KDM3A: variants seen among roughly 807,000 people sequenced by gnomAD.
The protein encoded by KDM3A is lysine demethylase 3A, also known as lysine-specific demethylase 3A.
Under a neutral mutation model 158.0 loss-of-function variants are expected in KDM3A, and 60 were observed. That is an observed-to-expected ratio of 0.38 (90% CI 0.31 to 0.47). The LOEUF is 0.47. KDM3A is among the 20% of genes least tolerant of loss of function. The pLI, the probability that KDM3A is intolerant of heterozygous loss-of-function variation, is 0.99. For synonymous variants in KDM3A, 608 were observed against 549.3 expected, an observed-to-expected ratio of 1.11 and a Z score of -1.49; for missense variants, 1,319 against 1,574.3, an observed-to-expected ratio of 0.84 and a Z score of 2.74.
At chr2:86,453,661 A>G (rs1014421084) in intron 4 of KDM3A, among the ~76,000 whole-genome samples, 2 of 152,180 alleles carry the variant, frequency 1.3e-5, no homozygotes, top group African/African-American at 4.8e-5. Context: ...AATTTTTTGA[A>G]ATTGCATAAA....
At chr2:86,471,313 ATG>A (rs980824135) in intron 11 of KDM3A, among the ~76,000 whole-genome samples, 88 of 151,326 alleles carry the variant, frequency 5.8e-4, no homozygotes, top group African/African-American at 2.1e-3. Context: ...ATGTGTATAT[ATG>A]TGTATATGTG....
In KDM3A at chr2:86,484,934, C is replaced by T. The variant is rs1255669070; in HGVS notation, c.3095-8C>T. ...AAATAGTAATAGTTCATTCTGTTTACCTTTCAGATCGTTTGAAAAATGAAA... is the reference window on the plus strand; with the variant it reads ...AAATAGTAATAGTTCATTCTGTTTATCTTTCAGATCGTTTGAAAAATGAAA... On this transcript the variant is annotated splice_region_variant and splice_polypyrimidine_tract_variant and intron_variant, in intron 19 of 25. Transcript: ENST00000312912. The T allele has an allele frequency of 1.0e-5, 16 of 1,553,252 alleles. No individual in the cohort carries two copies. The highest frequency in any genetic ancestry group is 1.4e-5 in the Non-Finnish European group (16 of 1,125,636).
intron 3 of KDM3A, among the ~76,000 whole-genome samples, chr2:86,450,557 G>C (rs1672413940): frequency 6.6e-6 from 1 of 152,198 alleles, no homozygotes; most frequent in African/African-American, 2.4e-5. Flanking sequence ...AGTGAGCGCT[G>C]TCTGGAGAGG....
At position 86,490,952 on chromosome 2, in the gene KDM3A, C is replaced by T. The variant is rs754345302; in HGVS notation, c.3645C>T (p.Asp1215=). Residue 1215 remains aspartate, a synonymous_variant, in exon 24 of 26, where the codon GAC becomes GAT. Transcript: ENST00000312912. ...DPIHDQSWYL[D]RSLRKRLHQE... Reference sequence around the variant, plus strand: ...TTCATGATCAAAGCTGGTATTTAGACCGATCATTAAGAAAACGTCTTCATC... The same window carrying T: ...TTCATGATCAAAGCTGGTATTTAGATCGATCATTAAGAAAACGTCTTCATC... 1.1e-5 allele frequency: 17 copies of T among 1,613,768 alleles called. No homozygotes were observed. The highest frequency in any genetic ancestry group is 1.3e-5 in the African/African-American group (1 of 74,904).
chr2:86,472,399 A>C (rs765210536), intron 11 of KDM3A, among the ~76,000 whole-genome samples: 3 of 152,080 alleles, frequency 2.0e-5, no homozygotes, highest in African/African-American at 4.8e-5. Context: ...TAGCCTCCTC[A>C]TCAAGTTTGT....
At chr2:86,462,120 A>G (rs562413037) in intron 8 of KDM3A, among the ~76,000 whole-genome samples, 7 of 152,274 alleles carry the variant, frequency 4.6e-5, no homozygotes, top group Admixed American at 6.5e-5. Context: ...ATGAAAAGAA[A>G]TGGGTAGATT....
chr2:86,456,646 C>G, intron 6 of KDM3A, 80 bp downstream of exon 6: 1 of 1,377,744 alleles, frequency 7.3e-7, no homozygotes. Context: ...TTTCTAGGCA[C>G]TAAATACCTT....
chr2:86,485,649 T>TACACC, intron 20 of KDM3A, 80 bp from the exon 21 acceptor site: 1 of 1,516,956 alleles, frequency 6.6e-7, no homozygotes, highest in Non-Finnish European at 9.1e-7. Flanking sequence ...CCTTTTGGTG[T>TACACC]AGAAGGAACA....
intron 9 of KDM3A, 105 bp downstream of exon 9, chr2:86,464,321 A>C: frequency 2.6e-6 from 2 of 784,312 alleles, no homozygotes; most frequent in South Asian, 5.5e-5. Flanking sequence ...TTTTCGTTAG[A>C]GTTTCTGAGA....
chr2:86,478,772 A>G (rs1342443448), intron 15 of KDM3A, 37 bp downstream of exon 15: 2 of 1,597,122 alleles, frequency 1.3e-6, no homozygotes, highest in Non-Finnish European at 1.7e-6. Context: ...CATCTCTTGT[A>G]ATTGTCATTT....
intron 4 of KDM3A, among the ~76,000 whole-genome samples, chr2:86,453,921 T>C (rs1272051412): frequency 6.6e-6 from 1 of 152,202 alleles, no homozygotes; most frequent in East Asian, 1.9e-4. Context: ...TTGAGCACTG[T>C]TTTTTCTTTG....
In KDM3A at chr2:86,456,524, T is replaced by C; in HGVS notation, c.639T>C (p.Asn213=). ...STQWFSATVI[N]GNPASKTLQV... is the part of the protein sequence containing the mutation. ...AGTGGTTTTCAGCAACCGTTATAAA[T>C]GGAAACCCAGCATCAAAAACTCTTC... Residue 213 remains asparagine, a synonymous_variant, in exon 6 of 26, where the codon AAT becomes AAC. Coordinates refer to ENST00000312912, the MANE Select transcript of KDM3A (RefSeq NM_018433.6). The C allele has an allele frequency of 6.2e-7, 1 of 1,608,916 alleles. No homozygotes were observed. The highest frequency in any genetic ancestry group is 8.5e-7 in the Non-Finnish European group (1 of 1,177,522).
In KDM3A at chr2:86,442,242, G is replaced by C. The variant is rs1227014705; in HGVS notation, c.186+9G>C. 6.3e-7 allele frequency: 1 copy of C among 1,595,326 alleles called. No homozygotes were observed. Among genetic ancestry groups the C allele is most frequent in the Non-Finnish European group, 8.6e-7 (1 of 1,167,114 alleles). On this transcript the variant is annotated intron_variant, in intron 2 of 25. Transcript: ENST00000312912. Reference sequence around the variant, plus strand: ...CCAAGAAGGATCTGAAGGTACAGGCGGCTCCGGGCCTCTGCCACCGGACGT... The same window carrying C: ...CCAAGAAGGATCTGAAGGTACAGGCCGCTCCGGGCCTCTGCCACCGGACGT...
At chr2:86,478,837 G>A in intron 15 of KDM3A, 102 bp downstream of exon 15, 1 of 1,089,142 alleles carries the variant, frequency 9.2e-7, no homozygotes, top group Non-Finnish European at 1.3e-6. Flanking sequence ...AAGGAACCTG[G>A]GGATAGCTAT....
At position 86,441,385 on chromosome 2, in the gene KDM3A, G is replaced by A. The variant is rs917119655; in HGVS notation, c.-90G>A. 2 of 152,330 alleles carry A rather than the reference G, an allele frequency of 1.3e-5. No homozygotes were observed. Among genetic ancestry groups the A allele is most frequent in the Non-Finnish European group, 2.9e-5 (2 of 68,150 alleles). The allele number at this position is 152,330 out of a possible 1,614,324, so 9.4% of individuals were successfully genotyped here. A position where few individuals can be genotyped will look rare whatever the true frequency, so the allele number is the denominator to read the frequency against. On this transcript the variant is annotated 5_prime_UTR_variant, in exon 1 of 26. Coordinates refer to ENST00000312912, the MANE Select transcript of KDM3A (RefSeq NM_018433.6). ...GCTCTTGAACCAAGTCAGCGCTGGA[G>A]TCGGCTAGGCGGCTGGAAACGGCGG... is the stretch of plus-strand genomic sequence containing the variant.
upstream of KDM3A, among the ~76,000 whole-genome samples, chr2:86,439,384 A>G (rs926281196): frequency 1.3e-5 from 2 of 152,064 alleles, no homozygotes; most frequent in African/African-American, 4.8e-5. Context: ...AGAATTTCCC[A>G]TCTATGTTCC....
chr2:86,466,539 A>G lies in KDM3A; in HGVS notation c.1175A>G (p.Gln392Arg), dbSNP rs2104664818. 1 of 1,613,938 alleles carries G rather than the reference A, an allele frequency of 6.2e-7. No individual in the cohort carries two copies. Among genetic ancestry groups the G allele is most frequent in the Non-Finnish European group, 8.5e-7 (1 of 1,179,854 alleles). Residue 392 changes from glutamine to arginine, a missense_variant, in exon 10 of 26, where the codon CAG becomes CGG. Transcript: ENST00000312912. ...ILTEPKGSCTQPKTNTDQENR... is the reference protein window; with the variant it reads ...ILTEPKGSCTRPKTNTDQENR... ...ACTGAGCCAAAAGGCAGCTGTACTC[A>G]GCCTAAGACAAACACTGATCAGGAA... is the stretch of plus-strand genomic sequence containing the variant.
chr2:86,437,113 G>C (rs1164851126), upstream of KDM3A, among the ~76,000 whole-genome samples: 1 of 152,062 alleles, frequency 6.6e-6, no homozygotes, highest in Non-Finnish European at 1.5e-5. Flanking sequence ...CGTGAATGTT[G>C]GTGTAGGAAT....
intron 2 of KDM3A, among the ~76,000 whole-genome samples, chr2:86,446,664 C>A (rs538922212): frequency 6.6e-6 from 1 of 152,270 alleles, no homozygotes; most frequent in Admixed American, 6.5e-5. Flanking sequence ...GAGCTGAGAT[C>A]GCGCCACTAC....
Sources: gnomAD v4.1 joint callset for allele counts (sites outside exome capture counted in the v4.1 genomes callset) on GRCh38, gnomAD v4.1.1 for gene constraint, MANE v1.5 for transcripts, NCBI Gene and HGNC (gene_info 2026-07-23, HGNC 2026-07-21) for gene names.